The following STXBP5 variants were observed in gnomAD, a reference collection of about 807,000 sequenced individuals.
STXBP5 encodes the protein syntaxin-binding protein 5.
In STXBP5, 50 loss-of-function variants were observed where a neutral mutation model predicts 152.4. The observed-to-expected ratio is 0.33, with a 90% CI of 0.26 to 0.42. The LOEUF (loss-of-function observed/expected upper bound fraction) is 0.42. Among genes scored for constraint, STXBP5 ranks in the 10% least tolerant of loss-of-function variants. The pLI is 1.00. For missense variants in STXBP5, 1,167 were observed against 1,388.6 expected, an observed-to-expected ratio of 0.84 and a Z score of 2.54; for synonymous variants, 492 against 494.7, an observed-to-expected ratio of 0.99 and a Z score of 0.07.
At chr6:147,377,373 C>G (rs1019976894) in intron 26 of STXBP5, among the ~76,000 whole-genome samples, 1 of 152,026 alleles carries the variant, frequency 6.6e-6, no homozygotes, top group African/African-American at 2.4e-5. Flanking sequence ...CAGCATTCAT[C>G]TCAAAAAGTT....
intron 9 of STXBP5, among the ~76,000 whole-genome samples, chr6:147,309,086 C>A (rs1229469743): frequency 6.6e-6 from 1 of 152,044 alleles, no homozygotes; most frequent in Admixed American, 6.6e-5. Flanking sequence ...GATTTAAATG[C>A]AGTTGGGTTA....
chr6:147,323,496 A>G (rs1343870848), intron 16 of STXBP5, among the ~76,000 whole-genome samples: 1 of 151,556 alleles, frequency 6.6e-6, no homozygotes, highest in African/African-American at 2.4e-5. Flanking sequence ...GGTTCAGGCG[A>G]TTCTCCTGCC....
Position 147,254,542 on chromosome 6 carries a change from C to A in STXBP5, c.432-6073C>A, listed in dbSNP as rs535059769. Among the ~76,000 whole-genome samples, 5 of 152,250 alleles carry A rather than the reference C, an allele frequency of 3.3e-5. No homozygotes were observed. In the South Asian group the frequency reaches 1.0e-3, roughly 32 times the overall value. ...TGCGAGAAAATTTTTGCAATCTATC[C>A]ATCTGGCAAAAGGCTAATATCCAGA... On this transcript the variant is annotated intron_variant, in intron 4 of 27. Transcript: ENST00000321680.
In STXBP5 at chr6:147,384,883, A is replaced by T; in HGVS notation, c.*128A>T. 1.0e-6 allele frequency: 1 copy of T among 957,040 alleles called. No individual in the cohort carries two copies. The highest frequency in any genetic ancestry group is 1.6e-6 in the Non-Finnish European group (1 of 615,556). 59.3% of individuals were successfully genotyped at this position (957,040 alleles called of 1,614,324 possible). On this transcript the variant is annotated 3_prime_UTR_variant, in exon 28 of 28. Transcript: ENST00000321680. ...AATACTGTTCTTTCCTAGCACAGTC[A>T]TGCACTGTTTTACCTCAGTCATGTG...
intron 21 of STXBP5, among the ~76,000 whole-genome samples, chr6:147,341,906 AT>A (rs1217101923): frequency 1.3e-5 from 2 of 152,138 alleles, no homozygotes; most frequent in Admixed American, 6.6e-5. Context: ...CCACACAATA[AT>A]CCCAGCGGGT....
chr6:147,307,825 C>A (rs1782169776), intron 9 of STXBP5, among the ~76,000 whole-genome samples: 1 of 152,182 alleles, frequency 6.6e-6, no homozygotes, highest in Non-Finnish European at 1.5e-5. Context: ...TAAGTACAGG[C>A]AGCCTACAAA....
chr6:147,384,896 C>A lies in STXBP5; in HGVS notation c.*141C>A. Reference sequence around the variant, plus strand: ...CCTAGCACAGTCATGCACTGTTTTACCTCAGTCATGTGGCTTTAACTGAGG... The same window carrying A: ...CCTAGCACAGTCATGCACTGTTTTAACTCAGTCATGTGGCTTTAACTGAGG... On this transcript the variant is annotated 3_prime_UTR_variant, in exon 28 of 28. Transcript: ENST00000321680. The A allele has an allele frequency of 1.2e-6, 1 of 847,428 alleles. No homozygotes were observed. The highest frequency in any genetic ancestry group is 1.9e-6 in the Non-Finnish European group (1 of 525,426). 52.5% of individuals were successfully genotyped at this position (847,428 alleles called of 1,614,324 possible). A position where few individuals can be genotyped will look rare whatever the true frequency, so the allele number is the denominator to read the frequency against.
In STXBP5 at chr6:147,262,343, A is replaced by G; in HGVS notation, c.620A>G (p.Asp207Gly). The part of the protein sequence containing the change: ...PVVHISDNPM[D>G]EGKLLIGFES... ...GTCCATATAAGTGATAATCCAATGGACGAGGGAAAGGTAGAATTTTTTGTA... is the reference window on the plus strand; with the variant it reads ...GTCCATATAAGTGATAATCCAATGGGCGAGGGAAAGGTAGAATTTTTTGTA... The change falls in exon 6 of 28, where the codon GAC becomes GGC. Residue 207 changes from aspartate to glycine, a missense_variant. By Grantham distance (94) the Asp-to-Gly change is moderately conservative. Coordinates refer to ENST00000321680, the MANE Select transcript of STXBP5 (RefSeq NM_001127715.4). 1 of 1,564,394 alleles carries G rather than the reference A, an allele frequency of 6.4e-7. No homozygotes were observed.
rs1371808551 is a variant in STXBP5, at chr6:147,390,304, TAATGA to T, written c.*5553_*5557del. ...TCACAGCAAAAAGTTTAAAATTAGG[TAATGA>T]AATATTTTTGTAAATAAATACCGTT... is the stretch of plus-strand genomic sequence containing the variant. On this transcript the variant is annotated 3_prime_UTR_variant, in exon 28 of 28. Coordinates refer to ENST00000321680, the MANE Select transcript of STXBP5 (RefSeq NM_001127715.4). 4 of 152,056 alleles carry T rather than the reference TAATGA, an allele frequency of 2.6e-5. No individual in the cohort carries two copies. Among genetic ancestry groups the T allele is most frequent in the African/African-American group, 9.7e-5 (4 of 41,440 alleles). The allele number at this position is 152,056 out of a possible 1,614,324, so 9.4% of individuals were successfully genotyped here.
chr6:147,378,728 T>C (rs889848807), intron 26 of STXBP5, among the ~76,000 whole-genome samples: 1 of 152,120 alleles, frequency 6.6e-6, no homozygotes, highest in African/African-American at 2.4e-5. Context: ...AATAACAGGT[T>C]ACCAAACTCA....
At chr6:147,359,373 T>C (rs774656461) in intron 23 of STXBP5, 50 bp downstream of exon 23, 1 of 1,562,038 alleles carries the variant, frequency 6.4e-7, no homozygotes, top group Non-Finnish European at 8.7e-7. Flanking sequence ...TGATTTACTA[T>C]GATAGAAGCC....
At chr6:147,353,289 C>T (rs1306717672) in intron 21 of STXBP5, 34 bp from the exon 22 acceptor site, 2 of 1,440,350 alleles carry the variant, frequency 1.4e-6, no homozygotes, top group East Asian at 2.4e-5. Context: ...ATCAAATATT[C>T]TTCAGAATTT....
At position 147,389,250 on chromosome 6, in the gene STXBP5, T is replaced by TA. The variant is rs1786480975; in HGVS notation, c.*4501dup. ...GATTTTACTACTGCCTCCGAAGTTT[T>TA]AAAAAAGGTTCTGTAGACAGAAAAC... On this transcript the variant is annotated 3_prime_UTR_variant, in exon 28 of 28. Transcript: ENST00000321680. 1 of 151,686 alleles carries TA rather than the reference T, an allele frequency of 6.6e-6. No individual in the cohort carries two copies. 9.4% of individuals were successfully genotyped at this position (151,686 alleles called of 1,614,324 possible). A position where few individuals can be genotyped will look rare whatever the true frequency, so the allele number is the denominator to read the frequency against.
chr6:147,291,291 T>G lies in STXBP5; in HGVS notation c.917+119T>G, dbSNP rs878929286. On this transcript the variant is annotated intron_variant, in intron 9 of 27. Coordinates refer to ENST00000321680, the MANE Select transcript of STXBP5 (RefSeq NM_001127715.4). ...GAATAGTCTACACCATTCTTAAATT[T>G]TATGCTTTTTTTATTTAACAAAAGA... The G allele has an allele frequency of 4.9e-5, 31 of 631,322 alleles. 1 individual carries two copies. The South Asian group carries it at 1.1e-3, about 23-fold the overall frequency. The allele number at this position is 631,322 out of a possible 1,614,324, so 39.1% of individuals were successfully genotyped here.
At chr6:147,347,670 A>G (rs555383705) in intron 21 of STXBP5, among the ~76,000 whole-genome samples, 56 of 152,312 alleles carry the variant, frequency 3.7e-4, no homozygotes, top group African/African-American at 1.3e-3. Flanking sequence ...TTTACTGTCT[A>G]ATAGTTACAG....
chr6:147,345,400 C>T (rs1784281767), intron 21 of STXBP5, among the ~76,000 whole-genome samples: 1 of 152,168 alleles, frequency 6.6e-6, no homozygotes, highest in East Asian at 1.9e-4. Flanking sequence ...CTTGGTTCCA[C>T]TTTTCTTCTT....
intron 25 of STXBP5, 77 bp downstream of exon 25, chr6:147,364,243 A>C (rs111971060): frequency 9.1e-6 from 12 of 1,311,954 alleles, no homozygotes; most frequent in African/African-American, 5.9e-5. Context: ...TCTGCCCCTT[A>C]TTCTCATGGA....
chr6:147,381,871 C>A (rs905424864), intron 26 of STXBP5, among the ~76,000 whole-genome samples: 1 of 152,088 alleles, frequency 6.6e-6, no homozygotes, highest in Non-Finnish European at 1.5e-5. Flanking sequence ...TTGCCAAGAA[C>A]TGCAAAGAGT....
At chr6:147,262,455 C>CATTGAAGG in intron 6 of STXBP5, 102 bp downstream of exon 6, 1 of 657,916 alleles carries the variant, frequency 1.5e-6, no homozygotes, top group Middle Eastern at 4.3e-4. Flanking sequence ...TTGAGATTAC[C>CATTGAAGG]ATTGAAGGTT....
Sources: allele counts gnomAD v4.1 joint callset (sites outside exome capture counted in the v4.1 genomes callset), GRCh38; gene constraint gnomAD v4.1.1; transcripts MANE v1.5; gene names NCBI Gene and HGNC (gene_info 2026-07-23, HGNC 2026-07-21).